Variants in MAGI2 observed in about 807,000 individuals in gnomAD.
MAGI2 encodes the protein membrane-associated guanylate kinase, WW and PDZ domain-containing protein 2.
MAGI2 carries 35 observed loss-of-function variants against 133.3 expected under a neutral mutation model. That is an observed-to-expected ratio of 0.26 (90% CI 0.20 to 0.35). The LOEUF is 0.35. Ranked by LOEUF, MAGI2 falls within the 10% of genes least tolerant of loss-of-function variation. The pLI is 1.00. For missense variants in MAGI2, 1,636 were observed against 1,863.4 expected (o/e 0.88, Z 2.25); for synonymous variants, 729 against 710.6 (o/e 1.03, Z -0.41).
chr7:78,532,121 C>T (rs1218149768), intron 3 of MAGI2, among the ~76,000 whole-genome samples: 1 of 152,086 alleles, frequency 6.6e-6, no homozygotes, highest in Non-Finnish European at 1.5e-5. Flanking sequence ...CAGCAACCTC[C>T]CCTGAACCTC....
intron 2 of MAGI2, among the ~76,000 whole-genome samples, chr7:78,635,683 T>C (rs1399884548): frequency 2.6e-5 from 4 of 152,226 alleles, no homozygotes; most frequent in Admixed American, 1.3e-4. Flanking sequence ...TCTTGACAGC[T>C]AGGGTGACTT....
intron 20 of MAGI2, among the ~76,000 whole-genome samples, chr7:78,114,371 A>G (rs1819653815): frequency 6.6e-6 from 1 of 152,252 alleles, no homozygotes; most frequent in Admixed American, 6.5e-5. Context: ...GTTTTACCCA[A>G]CTTTTTCCCA....
At chr7:79,365,867 C>CAAAA (rs71095399) in intron 1 of MAGI2, among the ~76,000 whole-genome samples, 3,436 of 48,832 alleles carry the variant, frequency 0.07, 524 homozygotes, top group Middle Eastern at 0.15. Flanking sequence ...ACTCTTGTCT[C>CAAAA]AAAAAAAAAA....
chr7:78,204,496 G>A (rs530336626), intron 10 of MAGI2, among the ~76,000 whole-genome samples: 93 of 152,252 alleles, frequency 6.1e-4, no homozygotes, highest in African/African-American at 2.2e-3. Flanking sequence ...TATAGAAAAA[G>A]AGCCATATTC....
chr7:78,791,483 T>G (rs1827234764), intron 2 of MAGI2, among the ~76,000 whole-genome samples: 1 of 152,100 alleles, frequency 6.6e-6, no homozygotes, highest in African/African-American at 2.4e-5. Context: ...TGGGCAAAAC[T>G]GTTTATTTGA....
chr7:78,659,371 G>C (rs1812664840), intron 2 of MAGI2, among the ~76,000 whole-genome samples: 1 of 128,410 alleles, frequency 7.8e-6, no homozygotes, highest in African/African-American at 3.0e-5. Context: ...GTTGCAGTGA[G>C]CCGAGATCGT....
chr7:79,438,427 T>C (rs908321250), intron 1 of MAGI2, among the ~76,000 whole-genome samples: 27 of 152,174 alleles, frequency 1.8e-4, no homozygotes, highest in African/African-American at 6.5e-4. Context: ...TATGAATAGT[T>C]ATGTGCATAT....
intron 1 of MAGI2, among the ~76,000 whole-genome samples, chr7:79,074,818 G>A (rs1315225524): frequency 6.6e-6 from 1 of 152,130 alleles, no homozygotes; most frequent in Admixed American, 6.5e-5. Context: ...TAATATTTAG[G>A]ATCTATCTCT....
chr7:79,243,470 C>T (rs939559311), intron 1 of MAGI2, among the ~76,000 whole-genome samples: 2 of 152,102 alleles, frequency 1.3e-5, no homozygotes, highest in Non-Finnish European at 2.9e-5. Flanking sequence ...GGCGAATAGT[C>T]AAACCTGAGA....
chr7:79,295,460 C>T (rs1836857238), intron 1 of MAGI2, among the ~76,000 whole-genome samples: 1 of 152,084 alleles, frequency 6.6e-6, no homozygotes, highest in Non-Finnish European at 1.5e-5. Context: ...CTTGGTACAA[C>T]CATTAACAAT....
chr7:79,292,132 C>T (rs1836534164), intron 1 of MAGI2, among the ~76,000 whole-genome samples: 1 of 152,052 alleles, frequency 6.6e-6, no homozygotes, highest in Non-Finnish European at 1.5e-5. Context: ...TGTGGAAATC[C>T]AGTTATTTCA....
intron 1 of MAGI2, among the ~76,000 whole-genome samples, chr7:79,027,364 A>G (rs1810002384): frequency 6.6e-6 from 1 of 150,930 alleles, no homozygotes; most frequent in African/African-American, 2.4e-5. Flanking sequence ...ATACAATACC[A>G]CCCAGCCTTT....
intron 6 of MAGI2, among the ~76,000 whole-genome samples, chr7:78,386,500 C>T (rs1239156173): frequency 6.6e-6 from 1 of 152,158 alleles, no homozygotes; most frequent in Non-Finnish European, 1.5e-5. Context: ...GCACTTCACC[C>T]CAGTGAAAAA....
At chr7:79,431,036 A>C (rs1293788776) in intron 1 of MAGI2, among the ~76,000 whole-genome samples, 1 of 152,234 alleles carries the variant, frequency 6.6e-6, no homozygotes, top group Non-Finnish European at 1.5e-5. Context: ...TGCTTTTGCC[A>C]AACTTCACTC....
chr7:79,047,491 C>G (rs1812285824), intron 1 of MAGI2, among the ~76,000 whole-genome samples: 1 of 151,974 alleles, frequency 6.6e-6, no homozygotes, highest in Non-Finnish European at 1.5e-5. Context: ...CCATGGTGGT[C>G]TTTAACAAAA....
At chr7:79,063,971 T>G (rs1279875780) in intron 1 of MAGI2, among the ~76,000 whole-genome samples, 1 of 152,104 alleles carries the variant, frequency 6.6e-6, no homozygotes, top group Non-Finnish European at 1.5e-5. Context: ...AGAGATCACA[T>G]CAAACTTCGT....
intron 1 of MAGI2, among the ~76,000 whole-genome samples, chr7:79,372,329 T>A (rs1843100836): frequency 6.6e-6 from 1 of 151,670 alleles, no homozygotes; most frequent in Admixed American, 6.6e-5. Context: ...AACAGGAGGA[T>A]TTCGCAGGAA....
intron 2 of MAGI2, among the ~76,000 whole-genome samples, chr7:78,923,653 C>T (rs1034757389): frequency 6.6e-6 from 1 of 152,104 alleles, no homozygotes; most frequent in South Asian, 2.1e-4. Context: ...GTTCTTTTGG[C>T]TTAGCATTGA....
At chr7:78,714,989 CTAA>C (rs1819564778) in intron 2 of MAGI2, among the ~76,000 whole-genome samples, 1 of 152,150 alleles carries the variant, frequency 6.6e-6, no homozygotes, top group African/African-American at 2.4e-5. Context: ...TAAACATTCC[CTAA>C]TAATAGTTCA....
Sources: gnomAD v4.1 joint callset for allele counts (sites outside exome capture counted in the v4.1 genomes callset) on GRCh38, gnomAD v4.1.1 for gene constraint, MANE v1.5 for transcripts, NCBI Gene and HGNC (gene_info 2026-07-23, HGNC 2026-07-21) for gene names.